DPP6: variants seen among roughly 807,000 people sequenced by gnomAD.
The protein encoded by DPP6 is A-type potassium channel modulatory protein DPP6.
Under a neutral mutation model 122.6 loss-of-function variants are expected in DPP6, and 69 were observed. That is an observed-to-expected ratio of 0.56 (90% CI 0.46 to 0.69). The LOEUF is 0.69. DPP6 is among the 30% of genes least tolerant of loss of function. The pLI is 0.00. For synonymous variants in DPP6, 418 were observed against 433.1 expected, an observed-to-expected ratio of 0.97 and a Z score of 0.43; for missense variants, 928 against 1,116.9, an observed-to-expected ratio of 0.83 and a Z score of 2.41.
intron 2 of DPP6, among the ~76,000 whole-genome samples, chr7:154,449,130 A>G (rs538798453): frequency 1.3e-5 from 2 of 152,356 alleles, no homozygotes; most frequent in African/African-American, 4.8e-5. Context: ...AAGTGAAAAG[A>G]CAACCCACCG....
intron 1 of DPP6, among the ~76,000 whole-genome samples, chr7:153,944,355 G>C (rs933708321): frequency 6.6e-6 from 1 of 152,218 alleles, no homozygotes; most frequent in Admixed American, 6.5e-5. Flanking sequence ...TGGACCTGTA[G>C]ATGGACAAAA....
intron 1 of DPP6, among the ~76,000 whole-genome samples, chr7:154,172,595 C>CT (rs548243168): frequency 2.1e-4 from 30 of 145,158 alleles, no homozygotes; most frequent in African/African-American, 6.9e-4. Flanking sequence ...CTTCTAAAGT[C>CT]TTTTTTTTTC....
intron 8 of DPP6, among the ~76,000 whole-genome samples, chr7:154,762,737 GATAA>G (rs1424208212): frequency 6.6e-6 from 1 of 152,222 alleles, no homozygotes; most frequent in Non-Finnish European, 1.5e-5. Flanking sequence ...CTCTCCTGCA[GATAA>G]AAACTCAGGA....
intron 1 of DPP6, among the ~76,000 whole-genome samples, chr7:153,954,823 C>T (rs550213102): frequency 1.1e-4 from 17 of 152,294 alleles, no homozygotes; most frequent in African/African-American, 3.1e-4. Context: ...CAAGCCTCCA[C>T]GATCATGTGA....
intron 7 of DPP6, among the ~76,000 whole-genome samples, chr7:154,708,915 G>A (rs1009617654): frequency 2.0e-5 from 3 of 152,164 alleles, no homozygotes; most frequent in East Asian, 1.9e-4. Context: ...GGGCATGGTG[G>A]CACATGTCTG....
intron 1 of DPP6, among the ~76,000 whole-genome samples, chr7:154,382,731 T>TTTTG (rs1022075051): frequency 6.6e-6 from 1 of 152,154 alleles, no homozygotes; most frequent in African/African-American, 2.4e-5. Flanking sequence ...TAGTATTCCT[T>TTTTG]TTTGTTTGTT....
intron 16 of DPP6, among the ~76,000 whole-genome samples, chr7:154,836,057 G>T (rs952615912): frequency 2.0e-5 from 3 of 152,180 alleles, no homozygotes; most frequent in African/African-American, 7.2e-5. Flanking sequence ...TTCCTCCGAG[G>T]CTCCCAAACC....
In DPP6 at chr7:154,136,654, G is replaced by T. The variant is rs1397180037; in HGVS notation, c.243+83591G>T. Among the ~76,000 whole-genome samples the T allele has an allele frequency of 2.0e-5, 3 of 152,094 alleles. No individual in the cohort carries two copies. In the South Asian group the frequency reaches 6.2e-4, roughly 32 times the overall value. On this transcript the variant is annotated intron_variant, in intron 1 of 25. Coordinates refer to ENST00000377770, the MANE Select transcript of DPP6 (RefSeq NM_130797.4). ...ATTACTCAGGCACTTCAGACCCAGA[G>T]AATTGCTTTTAGAGATCTTGATCAT...
At chr7:154,771,017 A>G (rs1257715035) in intron 9 of DPP6, among the ~76,000 whole-genome samples, 1 of 152,204 alleles carries the variant, frequency 6.6e-6, no homozygotes, top group Non-Finnish European at 1.5e-5. Flanking sequence ...ACTTCCTGCC[A>G]TGAGCTGCCT....
the DPP6 span, among the ~76,000 whole-genome samples, chr7:153,774,172 G>A: frequency 6.6e-6 from 1 of 152,146 alleles, no homozygotes; most frequent in East Asian, 1.9e-4. Context: ...AGCCAAATAT[G>A]AGGATTGACT....
At chr7:154,659,280 A>G (rs117348993) in intron 6 of DPP6, among the ~76,000 whole-genome samples, 1,854 of 152,340 alleles carry the variant, frequency 0.012, 12 homozygotes, top group Non-Finnish European at 0.017. Context: ...ACTTGTCCCA[A>G]TATCTGACAT....
the DPP6 span, among the ~76,000 whole-genome samples, chr7:153,778,353 G>A: frequency 6.6e-6 from 1 of 151,968 alleles, no homozygotes; most frequent in Admixed American, 6.6e-5. Context: ...GCAGAGATGG[G>A]TACAAAAATA....
chr7:153,977,198 G>GT (rs1554424794), intron 1 of DPP6, among the ~76,000 whole-genome samples: 38 of 149,730 alleles, frequency 2.5e-4, no homozygotes, highest in Admixed American at 2.3e-3. Flanking sequence ...TACCAATAGG[G>GT]GTGTGTGTGT....
chr7:154,269,903 T>C (rs1487386301), intron 1 of DPP6, among the ~76,000 whole-genome samples: 1 of 152,200 alleles, frequency 6.6e-6, no homozygotes, highest in East Asian at 1.9e-4. Flanking sequence ...TTCTTAGGTA[T>C]AAAATTCATG....
intron 7 of DPP6, among the ~76,000 whole-genome samples, chr7:154,682,959 T>G (rs1192997371): frequency 6.6e-6 from 1 of 152,186 alleles, no homozygotes; most frequent in Non-Finnish European, 1.5e-5. Context: ...TTTGTTCTTT[T>G]GTTTCATTTT....
intron 10 of DPP6, among the ~76,000 whole-genome samples, chr7:154,782,772 T>C (rs76126183): frequency 6.6e-6 from 1 of 152,040 alleles, no homozygotes; most frequent in African/African-American, 2.4e-5. Flanking sequence ...AGTTTGCATT[T>C]CTTTTTCTTT....
At chr7:154,520,922 G>A (rs868799161) in intron 3 of DPP6, among the ~76,000 whole-genome samples, 3 of 152,112 alleles carry the variant, frequency 2.0e-5, no homozygotes, top group Non-Finnish European at 2.9e-5. Flanking sequence ...AGCATGTACC[G>A]GACAATGCCT....
intron 4 of DPP6, among the ~76,000 whole-genome samples, chr7:154,558,814 A>G (rs1321491479): frequency 1.3e-5 from 2 of 152,220 alleles, no homozygotes; most frequent in African/African-American, 2.4e-5. Flanking sequence ...TAAGTGATGC[A>G]TGACTAATGG....
At chr7:154,096,407 C>A (rs1321039935) in intron 1 of DPP6, among the ~76,000 whole-genome samples, 6 of 124,986 alleles carry the variant, frequency 4.8e-5, no homozygotes, top group African/African-American at 1.9e-4. Context: ...TAGAAAATGG[C>A]AAGAGGTAAA....
Sources: allele counts gnomAD v4.1 joint callset (sites outside exome capture counted in the v4.1 genomes callset), GRCh38; gene constraint gnomAD v4.1.1; transcripts MANE v1.5; gene names NCBI Gene and HGNC (gene_info 2026-07-23, HGNC 2026-07-21).